Variants in INPP4B observed in about 807,000 individuals in gnomAD.
INPP4B encodes the protein inositol polyphosphate-4-phosphatase type II B, also known as inositol polyphosphate 4-phosphatase type II.
INPP4B carries 55 observed loss-of-function variants against 122.5 expected under a neutral mutation model. The observed-to-expected ratio is 0.45, with a 90% CI of 0.36 to 0.56. INPP4B has a LOEUF of 0.56. Ranked by LOEUF, INPP4B falls within the 20% of genes least tolerant of loss-of-function variation. INPP4B has a pLI of 0.00. For synonymous variants in INPP4B, 403 were observed against 388.7 expected, an observed-to-expected ratio of 1.04 and a Z score of -0.43; for missense variants, 1,000 against 1,097.7, an observed-to-expected ratio of 0.91 and a Z score of 1.26.
At chr4:142,803,171 C>CAAAAA in intron 1 of INPP4B, among the ~76,000 whole-genome samples, 1 of 82,838 alleles carries the variant, frequency 1.2e-5, no homozygotes, top group Middle Eastern at 6.9e-3. Flanking sequence ...GACTACGTCT[C>CAAAAA]AAAAAAAAAA....
At chr4:142,143,375 A>G (rs1472863777) in intron 18 of INPP4B, among the ~76,000 whole-genome samples, 1 of 151,520 alleles carries the variant, frequency 6.6e-6, no homozygotes, top group East Asian at 1.9e-4. Flanking sequence ...GATATTAGGT[A>G]ATCACAGTGT....
At chr4:142,838,098 T>C (rs1215853093) in intron 1 of INPP4B, among the ~76,000 whole-genome samples, 1 of 151,352 alleles carries the variant, frequency 6.6e-6, no homozygotes, top group Non-Finnish European at 1.5e-5. Context: ...AGCTGGCAAA[T>C]AGTAAGACTC....
At chr4:142,367,555 G>A (rs1788023025) in intron 7 of INPP4B, among the ~76,000 whole-genome samples, 1 of 152,064 alleles carries the variant, frequency 6.6e-6, no homozygotes, top group African/African-American at 2.4e-5. Flanking sequence ...TGAAGCTTTA[G>A]TAATGTTAAT....
chr4:142,826,255 A>G (rs1333968651), intron 1 of INPP4B, among the ~76,000 whole-genome samples: 1 of 152,160 alleles, frequency 6.6e-6, no homozygotes, highest in African/African-American at 2.4e-5. Flanking sequence ...TGGCTGCACA[A>G]GAGAATGAGG....
chr4:142,530,336 C>T (rs1364306937), intron 2 of INPP4B, among the ~76,000 whole-genome samples: 1 of 151,876 alleles, frequency 6.6e-6, no homozygotes, highest in Admixed American at 6.6e-5. Context: ...AACATCAATT[C>T]TTATAACATT....
chr4:142,051,727 C>T (rs2152394564), intron 25 of INPP4B, among the ~76,000 whole-genome samples: 1 of 152,092 alleles, frequency 6.6e-6, no homozygotes, highest in South Asian at 2.1e-4. Flanking sequence ...AATTGATATC[C>T]ACATACCACA....
intron 2 of INPP4B, among the ~76,000 whole-genome samples, chr4:142,613,815 A>G (rs1743089475): frequency 6.6e-6 from 1 of 152,186 alleles, no homozygotes; most frequent in African/African-American, 2.4e-5. Context: ...TTACTCACAT[A>G]CCTTAAATTG....
chr4:142,445,898 A>G (rs1436028673), intron 3 of INPP4B, among the ~76,000 whole-genome samples: 1 of 152,188 alleles, frequency 6.6e-6, no homozygotes, highest in Non-Finnish European at 1.5e-5. Context: ...GAATATTTCA[A>G]AATATTTGAA....
chr4:142,765,687 T>C (rs1207834652), intron 1 of INPP4B, among the ~76,000 whole-genome samples: 1 of 152,192 alleles, frequency 6.6e-6, no homozygotes, highest in Non-Finnish European at 1.5e-5. Context: ...AAGGGAGATA[T>C]CGGTTAAACC....
intron 15 of INPP4B, among the ~76,000 whole-genome samples, chr4:142,189,166 T>A (rs945407686): frequency 6.6e-6 from 1 of 152,206 alleles, no homozygotes; most frequent in African/African-American, 2.4e-5. Context: ...TAACCACTGA[T>A]CTTATAGGTG....
chr4:142,460,311 T>C (rs770799518), intron 3 of INPP4B, among the ~76,000 whole-genome samples: 1 of 152,166 alleles, frequency 6.6e-6, no homozygotes, highest in Non-Finnish European at 1.5e-5. Context: ...GAGAAAAATA[T>C]AATCGCTGAA....
chr4:142,342,616 A>G (rs570225277), intron 7 of INPP4B, among the ~76,000 whole-genome samples: 1 of 152,296 alleles, frequency 6.6e-6, no homozygotes, highest in African/African-American at 2.4e-5. Flanking sequence ...CCAGAATACA[A>G]GAATTGTTGC....
At chr4:142,302,049 C>G (rs891676951) in intron 9 of INPP4B, among the ~76,000 whole-genome samples, 1 of 152,076 alleles carries the variant, frequency 6.6e-6, no homozygotes, top group Non-Finnish European at 1.5e-5. Flanking sequence ...AAAATTACAT[C>G]AGGTTGGTAG....
chr4:142,156,028 A>C (rs1291546774), intron 17 of INPP4B, among the ~76,000 whole-genome samples: 1 of 149,292 alleles, frequency 6.7e-6, no homozygotes, highest in Non-Finnish European at 1.5e-5. Context: ...CTTAAGAAAG[A>C]AGACTAAAAT....
chr4:142,568,493 A>G (rs1732126129), intron 2 of INPP4B, among the ~76,000 whole-genome samples: 1 of 152,152 alleles, frequency 6.6e-6, no homozygotes, highest in African/African-American at 2.4e-5. Flanking sequence ...ATTGGACTTC[A>G]TTGTTATCAT....
chr4:142,290,628 C>A (rs543142391), intron 9 of INPP4B, among the ~76,000 whole-genome samples: 59 of 152,246 alleles, frequency 3.9e-4, no homozygotes, highest in African/African-American at 1.4e-3. Context: ...CTAGCAATTT[C>A]TTTTGTTTGA....
At chr4:142,059,777 T>C (rs777861680) in intron 25 of INPP4B, among the ~76,000 whole-genome samples, 1 of 152,146 alleles carries the variant, frequency 6.6e-6, no homozygotes, top group Non-Finnish European at 1.5e-5. Context: ...ATGGCTCCAT[T>C]CTACCGATGG....
chr4:142,384,138 A>T (rs1340440981), intron 7 of INPP4B: 3 of 701,932 alleles, frequency 4.3e-6, no homozygotes, highest in Admixed American at 4.0e-5. Flanking sequence ...AAGTGTGATC[A>T]GTAAGTTTCC....
At chr4:142,207,902 A>G (rs1166934566) in intron 14 of INPP4B, among the ~76,000 whole-genome samples, 1 of 152,132 alleles carries the variant, frequency 6.6e-6, no homozygotes. Flanking sequence ...AAAAACCTAT[A>G]TATTTCTCTT....
Sources: allele counts gnomAD v4.1 joint callset (sites outside exome capture counted in the v4.1 genomes callset), GRCh38; gene constraint gnomAD v4.1.1; transcripts MANE v1.5; gene names NCBI Gene and HGNC (gene_info 2026-07-23, HGNC 2026-07-21).